The following PDIA6 variants were observed in gnomAD, a reference collection of about 807,000 sequenced individuals.
PDIA6 encodes protein disulfide-isomerase A6.
In PDIA6, 29 loss-of-function variants were observed where a neutral mutation model predicts 58.4. The ratio of observed to expected loss-of-function variants is 0.50; its 90% CI spans 0.37 to 0.68. The LOEUF (loss-of-function observed/expected upper bound fraction) is 0.68. PDIA6 is among the 30% of genes least tolerant of loss of function. PDIA6 has a pLI of 0.00. For synonymous variants in PDIA6, 192 were observed against 202.6 expected, an observed-to-expected ratio of 0.95 and a Z score of 0.44; for missense variants, 480 against 551.0, an observed-to-expected ratio of 0.87 and a Z score of 1.29.
chr2:10,806,772 T>C, intron 1 of PDIA6, among the ~76,000 whole-genome samples: 1 of 152,218 alleles, frequency 6.6e-6, no homozygotes, highest in Non-Finnish European at 1.5e-5. Flanking sequence ...TAATCTTTTA[T>C]ATCATATTTT....
chr2:10,832,786 G>A (rs1247692027), upstream of PDIA6, among the ~76,000 whole-genome samples: 5 of 152,218 alleles, frequency 3.3e-5, no homozygotes, highest in African/African-American at 1.2e-4. Context: ...CCTGAGGGGA[G>A]GGGCAGCTGG....
intron 3 of PDIA6, 23 bp downstream of exon 3, chr2:10,797,677 T>G: frequency 6.3e-7 from 1 of 1,596,664 alleles, no homozygotes; most frequent in African/African-American, 1.3e-5. Context: ...TTTGTAAGCC[T>G]TTTGCATTCC....
upstream of PDIA6, among the ~76,000 whole-genome samples, chr2:10,813,681 G>A (rs1667103546): frequency 6.6e-6 from 1 of 151,534 alleles, no homozygotes; most frequent in Non-Finnish European, 1.5e-5. Flanking sequence ...TGTTGCCCAG[G>A]CTGGAGTGCA....
At chr2:10,815,988 G>A (rs1432510092), upstream of PDIA6, among the ~76,000 whole-genome samples, 1 of 151,330 alleles carries the variant, frequency 6.6e-6, no homozygotes, top group Admixed American at 6.6e-5. Context: ...CCCCTTCCCT[G>A]CTGTCCCCAG....
At chr2:10,809,462 A>G (rs1223411229) in intron 1 of PDIA6, among the ~76,000 whole-genome samples, 1 of 152,032 alleles carries the variant, frequency 6.6e-6, no homozygotes, top group Non-Finnish European at 1.5e-5. Context: ...GGATAACCTG[A>G]GCCAGGAGTT....
At chr2:10,788,064 T>C (rs1470384605) in intron 10 of PDIA6, among the ~76,000 whole-genome samples, 2 of 46,092 alleles carry the variant, frequency 4.3e-5, no homozygotes, top group Non-Finnish European at 1.4e-4. Context: ...AGACTCTGTC[T>C]CAAAAAAAAA....
chr2:10,793,077 T>C lies in PDIA6; in HGVS notation c.453+19A>G. 1 of 1,533,920 alleles carries C rather than the reference T, an allele frequency of 6.5e-7. No individual in the cohort carries two copies. The highest frequency in any genetic ancestry group is 9.0e-7 in the Non-Finnish European group (1 of 1,106,670). ...TTCAAAATTATGACACATTAAAAAC[T>C]GACATTTTATGGTCTTACTTGTTTT... is the stretch of plus-strand genomic sequence containing the variant. On this transcript the variant is annotated intron_variant, in intron 5 of 12. Transcript: ENST00000272227.
Position 10,783,679 on chromosome 2 carries a change from T to C in PDIA6, c.*579A>G. ...GGAAATCAGTTCTCACTGAGCCCGG[T>C]TTCCATGTAAAATCTCTGTTGTGGT... On this transcript the variant is annotated 3_prime_UTR_variant, in exon 13 of 13. Transcript: ENST00000272227. 6.1e-6 allele frequency: 1 copy of C among 162,686 alleles called. No homozygotes were observed. The allele number at this position is 162,686 out of a possible 1,614,324, so 10.1% of individuals were successfully genotyped here.
intron 1 of PDIA6, among the ~76,000 whole-genome samples, chr2:10,824,353 G>A (rs1296452395): frequency 6.6e-6 from 1 of 152,216 alleles, no homozygotes; most frequent in Non-Finnish European, 1.5e-5. Context: ...GACACCTGTC[G>A]AGTGTTCTGC....
chr2:10,825,962 C>T (rs1367738844), intron 1 of PDIA6, among the ~76,000 whole-genome samples: 1 of 152,178 alleles, frequency 6.6e-6, no homozygotes, highest in African/African-American at 2.4e-5. Context: ...TCCAGAAATT[C>T]CACTCCTAGG....
intron 1 of PDIA6, among the ~76,000 whole-genome samples, chr2:10,829,471 G>T (rs1439922852): frequency 6.6e-6 from 1 of 152,234 alleles, no homozygotes; most frequent in Non-Finnish European, 1.5e-5. Flanking sequence ...AACCAAGGGT[G>T]TTGACTTTTT....
chr2:10,813,793 G>C (rs999554332), upstream of PDIA6, among the ~76,000 whole-genome samples: 1 of 151,450 alleles, frequency 6.6e-6, no homozygotes, highest in Non-Finnish European at 1.5e-5. Flanking sequence ...ATGTCACCAC[G>C]CCCGGCTAAT....
chr2:10,836,289 A>G (rs1172894606), upstream of PDIA6, among the ~76,000 whole-genome samples: 2 of 152,174 alleles, frequency 1.3e-5, no homozygotes, highest in Non-Finnish European at 2.9e-5. Context: ...CCTGCTGCAG[A>G]CACTGGCAAC....
upstream of PDIA6, among the ~76,000 whole-genome samples, chr2:10,814,360 C>G (rs1297697996): frequency 6.6e-6 from 1 of 152,170 alleles, no homozygotes. Flanking sequence ...TGTCCCGGGA[C>G]AGAAATCCTC....
chr2:10,810,584 A>G (rs1027012360), intron 1 of PDIA6, among the ~76,000 whole-genome samples: 1 of 152,076 alleles, frequency 6.6e-6, no homozygotes, highest in Non-Finnish European at 1.5e-5. Context: ...TAGTTCTCAC[A>G]AGAGCCTCCT....
At chr2:10,837,309 CG>C (rs1326221144), upstream of PDIA6, among the ~76,000 whole-genome samples, 6 of 152,002 alleles carry the variant, frequency 3.9e-5, no homozygotes, top group Admixed American at 1.3e-4. Flanking sequence ...AAGGAGGCGA[CG>C]GGGAAAAGAG....
chr2:10,802,710 A>G, intron 1 of PDIA6, 70 bp from the exon 2 acceptor site: 2 of 1,263,612 alleles, frequency 1.6e-6, no homozygotes, highest in Non-Finnish European at 2.1e-6. Context: ...CTGGGGAACC[A>G]GAGTCCTCTT....
chr2:10,809,623 G>A (rs1012473839), intron 1 of PDIA6, among the ~76,000 whole-genome samples: 2 of 123,646 alleles, frequency 1.6e-5, no homozygotes, highest in Non-Finnish European at 3.2e-5. Flanking sequence ...TTGAGCCTGG[G>A]AGGCAGAGCA....
intron 1 of PDIA6, among the ~76,000 whole-genome samples, chr2:10,824,343 G>A (rs1268664392): frequency 1.3e-5 from 2 of 152,244 alleles, no homozygotes; most frequent in Non-Finnish European, 2.9e-5. Flanking sequence ...TGTGGCCGAT[G>A]ACACCTGTCG....
Sources: gnomAD v4.1 joint callset for allele counts (sites outside exome capture counted in the v4.1 genomes callset) on GRCh38, gnomAD v4.1.1 for gene constraint, MANE v1.5 for transcripts, NCBI Gene and HGNC (gene_info 2026-07-23, HGNC 2026-07-21) for gene names.